SYNPR: variants seen among roughly 807,000 people sequenced by gnomAD.
SYNPR encodes the protein synaptoporin.
A neutral mutation model predicts 32.9 loss-of-function variants in SYNPR; 23 were observed. The observed-to-expected ratio is 0.70, with a 90% confidence interval of 0.50 to 0.99. SYNPR has a LOEUF of 0.99. Among genes scored for constraint, SYNPR ranks in the 50% least tolerant of loss-of-function variants. SYNPR has a pLI of 0.00. For synonymous variants in SYNPR, 146 were observed against 135.9 expected (o/e 1.07, Z -0.52); for missense variants, 318 against 349.3 (o/e 0.91, Z 0.71).
chr3:63,599,822 G>A (rs1700012404), intron 4 of SYNPR, among the ~76,000 whole-genome samples: 2 of 152,104 alleles, frequency 1.3e-5, no homozygotes, highest in South Asian at 4.2e-4. Flanking sequence ...AGCTATATTG[G>A]TTTAACATTT....
rs181346811 is a variant in SYNPR at position 63,596,175 on chromosome 3, G to T, written c.409-12950G>T. ...TCTCTTCCTGCTCTCAGACACTGCCGCTGCCTCCTCCTCCTATTTTTTCTC... is the reference window on the plus strand; with the variant it reads ...TCTCTTCCTGCTCTCAGACACTGCCTCTGCCTCCTCCTCCTATTTTTTCTC... On this transcript the variant is annotated intron_variant, in intron 4 of 5. Transcript: ENST00000478300. Among the ~76,000 whole-genome samples the T allele has an allele frequency of 1.0e-3, 152 of 150,476 alleles. 3 individuals carry two copies. The East Asian group carries it at 0.019, about 19-fold the overall frequency.
intron 2 of SYNPR, among the ~76,000 whole-genome samples, chr3:63,283,056 G>A (rs1372939952): frequency 6.6e-6 from 1 of 152,208 alleles, no homozygotes; most frequent in African/African-American, 2.4e-5. Context: ...GAGAACGGGA[G>A]AGGTTGATGG....
At chr3:63,380,466 G>T (rs2087952111) in intron 2 of SYNPR, among the ~76,000 whole-genome samples, 1 of 152,012 alleles carries the variant, frequency 6.6e-6, no homozygotes, top group Non-Finnish European at 1.5e-5. Context: ...TCATGTGTCT[G>T]TTGGCTGCAT....
intron 3 of SYNPR, among the ~76,000 whole-genome samples, chr3:63,269,414 A>G (rs1187090972): frequency 6.6e-6 from 1 of 152,052 alleles, no homozygotes; most frequent in Non-Finnish European, 1.5e-5. Flanking sequence ...ACTTGAACCC[A>G]GGAGGCAGAG....
intron 1 of SYNPR, among the ~76,000 whole-genome samples, chr3:63,239,497 A>T (rs61696338): frequency 1.9e-5 from 1 of 52,932 alleles, no homozygotes; most frequent in South Asian, 3.7e-4. Context: ...TGACAATGGT[A>T]GAATGGGTAA....
chr3:63,322,590 G>A (rs1256758774), intron 2 of SYNPR, among the ~76,000 whole-genome samples: 1 of 152,038 alleles, frequency 6.6e-6, no homozygotes, highest in African/African-American at 2.4e-5. Flanking sequence ...TTATGTAAAG[G>A]TCTCAGGTCT....
intron 3 of SYNPR, among the ~76,000 whole-genome samples, chr3:63,482,704 C>T (rs1701071273): frequency 6.6e-6 from 1 of 152,154 alleles, no homozygotes; most frequent in Non-Finnish European, 1.5e-5. Flanking sequence ...TGTACTTTTG[C>T]CCCCATTAAT....
At chr3:63,468,074 G>A (rs766379747) in intron 2 of SYNPR, among the ~76,000 whole-genome samples, 26 of 151,476 alleles carry the variant, frequency 1.7e-4, no homozygotes, top group Non-Finnish European at 2.9e-4. Flanking sequence ...TGGCACATGC[G>A]TCCCAGCTAC....
chr3:63,282,400 G>C (rs1450362896), intron 2 of SYNPR, among the ~76,000 whole-genome samples: 1 of 152,164 alleles, frequency 6.6e-6, no homozygotes, highest in Non-Finnish European at 1.5e-5. Flanking sequence ...GATATGCTAT[G>C]TGTTATTTGA....
rs1700037222 is a variant in SYNPR at position 63,434,024 on chromosome 3, A to AG, written c.85-46808_85-46807insG. Among the ~76,000 whole-genome samples, 5 of 152,180 alleles carry AG rather than the reference A, an allele frequency of 3.3e-5. No individual in the cohort carries two copies. The South Asian group carries it at 1.0e-3, about 32-fold the overall frequency. On this transcript the variant is annotated intron_variant, in intron 2 of 5. Coordinates refer to ENST00000478300, the MANE Select transcript of SYNPR (RefSeq NM_001130003.2). ...AGCAGAGTGGGGAGAGTGCTTTCAG[A>AG]TGGAATCTTAAACAAGCAGATCATG...
chr3:63,426,457 T>A (rs1699893759), intron 2 of SYNPR, among the ~76,000 whole-genome samples: 1 of 152,156 alleles, frequency 6.6e-6, no homozygotes, highest in African/African-American at 2.4e-5. Flanking sequence ...GAGCTCATGA[T>A]CTAAAAGTAC....
At chr3:63,571,626 C>G (rs1243182269) in intron 4 of SYNPR, among the ~76,000 whole-genome samples, 1 of 151,940 alleles carries the variant, frequency 6.6e-6, no homozygotes, top group Non-Finnish European at 1.5e-5. Context: ...TCTAAATGCT[C>G]ATAAAAAGAC....
intron 2 of SYNPR, among the ~76,000 whole-genome samples, chr3:63,438,230 A>G (rs1700117578): frequency 6.6e-6 from 1 of 152,132 alleles, no homozygotes; most frequent in Non-Finnish European, 1.5e-5. Context: ...TTTATCTCCC[A>G]AGCATGACTA....
rs1025845567 is a variant in SYNPR, at chr3:63,609,287, C to T, written c.571C>T (p.Pro191Ser). 3.8e-6 allele frequency: 6 copies of T among 1,594,832 alleles called. No homozygotes were observed. The highest frequency in any genetic ancestry group is 1.7e-5 in the Admixed American group (1 of 57,266). ...PSNKCMAIHS[P>S]VMSSLNTSVV... ...CAACAAATGCATGGCTATCCACAGC[C>T]CTGTTATGTCAAGCTTAAACACTTC... The change falls in exon 5 of 6, where the codon CCT becomes TCT. Residue 191 changes from proline (P) to serine (S), a missense_variant. Pro to Ser is a moderately conservative substitution (Grantham distance 74). Coordinates refer to ENST00000478300, the MANE Select transcript of SYNPR (RefSeq NM_001130003.2).
At position 63,278,749 on chromosome 3, in the gene SYNPR, A is replaced by G; in HGVS notation, c.84+7A>G. On this transcript the variant is annotated splice_region_variant and intron_variant, in intron 2 of 5. Coordinates refer to ENST00000478300, the MANE Select transcript of SYNPR (RefSeq NM_001130003.2). ...CCTGCGAGCCCTGGAATTGGTGAGT[A>G]GCAGTGTGTGTGCAGGGAGGGGCGC... 2.6e-6 allele frequency: 4 copies of G among 1,551,546 alleles called. No homozygotes were observed. Among genetic ancestry groups the G allele is most frequent in the South Asian group, 1.2e-5 (1 of 84,056 alleles).
intron 2 of SYNPR, among the ~76,000 whole-genome samples, chr3:63,332,749 A>G (rs1012845772): frequency 2.0e-5 from 3 of 152,154 alleles, no homozygotes; most frequent in Non-Finnish European, 4.4e-5. Flanking sequence ...CCCCAAAGTC[A>G]CCCAGCTATT....
intron 5 of SYNPR, among the ~76,000 whole-genome samples, chr3:63,611,652 T>C (rs1403031684): frequency 6.6e-6 from 1 of 152,214 alleles, no homozygotes; most frequent in Non-Finnish European, 1.5e-5. Flanking sequence ...GCATGTTTGT[T>C]ACATTATTCT....
rs563823116 is a variant in SYNPR, at chr3:63,595,993, T to A, written c.409-13132T>A. Among the ~76,000 whole-genome samples, 907 of 135,066 alleles carry A rather than the reference T, an allele frequency of 6.7e-3. 6 individuals carry two copies. The highest frequency in any genetic ancestry group is 0.019 in the African/African-American group (676 of 34,934). 88.6% of individuals were successfully genotyped at this position (135,066 alleles called of 152,430 possible). ...TATATAGTTTTATATATATATAGTT[T>A]TATATATATATATAATTATACTTTA... On this transcript the variant is annotated intron_variant, in intron 4 of 5. Coordinates refer to ENST00000478300, the MANE Select transcript of SYNPR (RefSeq NM_001130003.2).
chr3:63,585,783 C>T (rs764120560), intron 4 of SYNPR, among the ~76,000 whole-genome samples: 1 of 152,018 alleles, frequency 6.6e-6, no homozygotes, highest in Non-Finnish European at 1.5e-5. Context: ...CTTGCAATAA[C>T]CCTCTAAGAC....
Sources: allele counts gnomAD v4.1 joint callset (sites outside exome capture counted in the v4.1 genomes callset), GRCh38; gene constraint gnomAD v4.1.1; transcripts MANE v1.5; gene names NCBI Gene and HGNC (gene_info 2026-07-23, HGNC 2026-07-21).